Variants in KANK4 observed in about 807,000 individuals in gnomAD.
The protein encoded by KANK4 is KN motif and ankyrin repeat domain-containing protein 4.
In KANK4, 50 loss-of-function variants were observed where a neutral mutation model predicts 80.8. That is an observed-to-expected ratio of 0.62 (90% CI 0.49 to 0.78). The LOEUF (loss-of-function observed/expected upper bound fraction) is 0.78. KANK4 is among the 30% of genes least tolerant of loss of function. The pLI is 0.00. For synonymous variants in KANK4, 465 were observed against 506.9 expected (o/e 0.92, Z 1.11); for missense variants, 1,196 against 1,240.1 (o/e 0.96, Z 0.53).
At chr1:62,253,016 G>A (rs375873944) in intron 8 of KANK4, 51 bp downstream of exon 8, 56 of 1,596,588 alleles carry the variant, frequency 3.5e-5, no homozygotes, top group Non-Finnish European at 4.2e-5. Flanking sequence ...AGAATAAAGC[G>A]GGAGGTGCCC....
At chr1:62,248,877 T>C (rs974768513) in intron 8 of KANK4, among the ~76,000 whole-genome samples, 39 of 145,258 alleles carry the variant, frequency 2.7e-4, no homozygotes, top group Non-Finnish European at 4.8e-4. Flanking sequence ...AATGTAACAA[T>C]TGGGGCCGGG....
Position 62,247,495 on chromosome 1 carries a change from A to G in KANK4, c.2860T>C (p.Cys954Arg). The change falls in exon 9 of 10, where the codon TGC becomes CGC. Residue 954 changes from cysteine to arginine, a missense_variant. Transcript: ENST00000371153. ...LVRLLLAHPACDSSLTDKAGR... is the reference protein window; with the variant it reads ...LVRLLLAHPARDSSLTDKAGR... The stretch of plus-strand genomic sequence containing the variant: ...ACCTTGTCAGTCAGGCTGCTGTCGC[A>G]GGCTGGGTGTGCCAGGAGCAGCCGC... 6.2e-7 allele frequency: 1 copy of G among 1,613,982 alleles called. No individual in the cohort carries two copies. The highest frequency in any genetic ancestry group is 8.5e-7 in the Non-Finnish European group (1 of 1,180,018).
chr1:62,248,547 GTT>G (rs11349497), intron 8 of KANK4, among the ~76,000 whole-genome samples: 27 of 136,630 alleles, frequency 2.0e-4, no homozygotes, highest in Admixed American at 3.7e-4. Flanking sequence ...TAGTTTTTTT[GTT>G]TTTTTTTTTT....
At position 62,237,122 on chromosome 1, in the gene KANK4, T is replaced by C. The variant is rs953565395; in HGVS notation, c.*1155A>G. On this transcript the variant is annotated 3_prime_UTR_variant, in exon 10 of 10. Transcript: ENST00000371153. ...CAAACTTTGACATTACTTCTTTTTATATAAGGGGCTTTTTTTTTTTTTTTT... is the reference window on the plus strand; with the variant it reads ...CAAACTTTGACATTACTTCTTTTTACATAAGGGGCTTTTTTTTTTTTTTTT... The C allele has an allele frequency of 6.9e-6, 1 of 145,582 alleles. No homozygotes were observed. Among genetic ancestry groups the C allele is most frequent in the African/African-American group, 2.6e-5 (1 of 38,702 alleles). The allele number at this position is 145,582 out of a possible 1,614,324, so 9.0% of individuals were successfully genotyped here. A position where few individuals can be genotyped will look rare whatever the true frequency, so the allele number is the denominator to read the frequency against.
rs540684983 is a variant in KANK4 at position 62,304,613 on chromosome 1, G to A, written c.-71+14493C>T. On this transcript the variant is annotated intron_variant, in intron 1 of 9. Coordinates refer to ENST00000371153, the MANE Select transcript of KANK4 (RefSeq NM_181712.5). Reference sequence around the variant, plus strand: ...TGCCCCACCCAGCCCCATCCTCTTCGCTTGCTCCCACCAGTCTCTTTAGGA... The same window carrying A: ...TGCCCCACCCAGCCCCATCCTCTTCACTTGCTCCCACCAGTCTCTTTAGGA... 4.6e-5 allele frequency among the ~76,000 whole-genome samples: 7 copies of A among 151,730 alleles called. No individual in the cohort carries two copies. In the East Asian group the frequency reaches 1.2e-3, roughly 25 times the overall value.
At chr1:62,246,861 A>T (rs1671478644) in intron 9 of KANK4, among the ~76,000 whole-genome samples, 1 of 151,910 alleles carries the variant, frequency 6.6e-6, no homozygotes, top group Admixed American at 6.6e-5. Flanking sequence ...CCCACGTTCA[A>T]GCGGTTCTCC....
At chr1:62,242,728 C>A (rs759496003) in intron 9 of KANK4, among the ~76,000 whole-genome samples, 23 of 152,176 alleles carry the variant, frequency 1.5e-4, no homozygotes, top group Non-Finnish European at 3.2e-4. Flanking sequence ...GACATGAATT[C>A]TCTCCCAGTT....
intron 4 of KANK4, among the ~76,000 whole-genome samples, chr1:62,269,441 A>G (rs1367996688): frequency 6.6e-6 from 1 of 152,180 alleles, no homozygotes; most frequent in Non-Finnish European, 1.5e-5. Flanking sequence ...TTGTAAACTG[A>G]GTCTGCTCCC....
At chr1:62,258,840 T>C (rs1334672209) in intron 7 of KANK4, among the ~76,000 whole-genome samples, 1 of 152,104 alleles carries the variant, frequency 6.6e-6, no homozygotes, top group African/African-American at 2.4e-5. Flanking sequence ...AGGAAGACTT[T>C]TGAGGAGGTG....
chr1:62,302,140 G>A (rs1019128270), intron 1 of KANK4, among the ~76,000 whole-genome samples: 2 of 152,098 alleles, frequency 1.3e-5, no homozygotes, highest in Admixed American at 6.5e-5. Flanking sequence ...GGAGGCAGAC[G>A]TCAAGGGTTG....
intron 2 of KANK4, among the ~76,000 whole-genome samples, chr1:62,278,270 C>T (rs12043263): frequency 0.35 from 40,751 of 116,750 alleles, 9,937 homozygotes; most frequent in African/African-American, 0.45. Context: ...GGGAAAGGGA[C>T]GGGTTTAAAA....
chr1:62,252,728 G>A (rs534625852), intron 8 of KANK4, among the ~76,000 whole-genome samples: 2 of 152,360 alleles, frequency 1.3e-5, no homozygotes, highest in African/African-American at 2.4e-5. Context: ...ACCTGTGAGG[G>A]CTTTCTTAGA....
intron 1 of KANK4, among the ~76,000 whole-genome samples, chr1:62,316,013 G>T (rs1242152685): frequency 1.3e-5 from 2 of 152,222 alleles, no homozygotes; most frequent in Admixed American, 6.5e-5. Flanking sequence ...ATCCCAATCT[G>T]CTAAGAAAGG....
At chr1:62,243,312 G>A (rs1671388364) in intron 9 of KANK4, among the ~76,000 whole-genome samples, 1 of 151,508 alleles carries the variant, frequency 6.6e-6, no homozygotes. Flanking sequence ...ATTCTCAATT[G>A]CAGCACTATT....
At chr1:62,277,039 C>A (rs574372279) in intron 2 of KANK4, among the ~76,000 whole-genome samples, 222 of 152,246 alleles carry the variant, frequency 1.5e-3, no homozygotes, top group African/African-American at 4.8e-3. Flanking sequence ...CTCAACCACC[C>A]ATTTATTGAG....
chr1:62,257,879 C>G (rs904062004), intron 7 of KANK4, among the ~76,000 whole-genome samples: 1 of 152,068 alleles, frequency 6.6e-6, no homozygotes, highest in African/African-American at 2.4e-5. Context: ...TTTATACCAC[C>G]CAAATTTTAG....
At chr1:62,254,512 G>A (rs1434634511) in intron 7 of KANK4, among the ~76,000 whole-genome samples, 1 of 151,444 alleles carries the variant, frequency 6.6e-6, no homozygotes, top group Non-Finnish European at 1.5e-5. Flanking sequence ...AAAGTGCTGG[G>A]ATTACAGGTG....
rs551284935 is a variant in KANK4, at chr1:62,241,797, G to C, written c.2884-3416C>G. On this transcript the variant is annotated intron_variant, in intron 9 of 9. Coordinates refer to ENST00000371153, the MANE Select transcript of KANK4 (RefSeq NM_181712.5). ...GAATTCCTGCTCCTGAACTTCATCT[G>C]CTGTGCCTTGTCAATCCTAAGCCTC... Among the ~76,000 whole-genome samples the C allele has an allele frequency of 5.3e-5, 8 of 152,308 alleles. No homozygotes were observed. In the South Asian group the frequency reaches 1.5e-3, roughly 28 times the overall value.
intron 1 of KANK4, among the ~76,000 whole-genome samples, chr1:62,318,422 C>A (rs1378031815): frequency 6.6e-6 from 1 of 152,212 alleles, no homozygotes; most frequent in African/African-American, 2.4e-5. Context: ...ACAGATTTGA[C>A]CTTACCGGAG....
Sources: allele counts gnomAD v4.1 joint callset (sites outside exome capture counted in the v4.1 genomes callset), GRCh38; gene constraint gnomAD v4.1.1; transcripts MANE v1.5; gene names NCBI Gene and HGNC (gene_info 2026-07-23, HGNC 2026-07-21).